The following FER1L5 variants were observed in gnomAD, a reference collection of about 807,000 sequenced individuals.
FER1L5 encodes fer-1 like family member 5, also known as fer-1-like protein 5.
A neutral mutation model predicts 279.9 loss-of-function variants in FER1L5; 187 were observed. The ratio of observed to expected loss-of-function variants is 0.67; its 90% confidence interval spans 0.59 to 0.75. The LOEUF (loss-of-function observed/expected upper bound fraction) is 0.75, where lower values mean the gene tolerates loss of function less well. Ranked by LOEUF, FER1L5 falls within the 30% of genes least tolerant of loss-of-function variation. The pLI, the probability that FER1L5 is intolerant of heterozygous loss-of-function variation, is 0.00. For synonymous variants in FER1L5, 921 were observed against 989.7 expected (o/e 0.93, Z 1.30); for missense variants, 2,091 against 2,594.4 (o/e 0.81, Z 4.21).
intron 14 of FER1L5, among the ~76,000 whole-genome samples, chr2:96,667,296 C>A (rs1370473455): frequency 1.3e-5 from 2 of 151,822 alleles, no homozygotes; most frequent in South Asian, 2.1e-4. Context: ...TTGTTTAGCA[C>A]AAGCCAGGGG....
intron 6 of FER1L5, 52 bp downstream of exon 6, chr2:96,650,341 T>C (rs2075310242): frequency 6.8e-7 from 1 of 1,467,248 alleles, no homozygotes; most frequent in Non-Finnish European, 9.3e-7. Context: ...CACTCTTGTT[T>C]GCTGTGTTCC....
At chr2:96,654,912 A>AAG (rs2075538802) in intron 9 of FER1L5, 1 of 152,210 alleles carries the variant, frequency 6.6e-6, no homozygotes, top group East Asian at 1.9e-4. Flanking sequence ...AAAAAAAAAA[A>AAG]AAAAAAGAAG....
At chr2:96,676,629 T>G (rs1268467097) in intron 19 of FER1L5, among the ~76,000 whole-genome samples, 1 of 151,804 alleles carries the variant, frequency 6.6e-6, no homozygotes, top group Non-Finnish European at 1.5e-5. Flanking sequence ...CAGGTATTTT[T>G]TGTTTTTTTT....
In FER1L5 at chr2:96,699,546, C is replaced by T. The variant is rs376355938; in HGVS notation, c.4611-4C>T. 124 of 1,612,912 alleles carry T rather than the reference C, an allele frequency of 7.7e-5. 1 individual carries two copies. The African/African-American group carries it at 1.4e-3, about 18-fold the overall frequency. ...CTCTGCAGTCTCCAACACCTCACCC[C>T]TAGGATGTTTGAACTCACCTGCAAC... On this transcript the variant is annotated splice_polypyrimidine_tract_variant and splice_region_variant and intron_variant, in intron 42 of 52. Coordinates refer to ENST00000624922, the MANE Select transcript of FER1L5 (RefSeq NM_001293083.2).
At chr2:96,668,646 A>T in intron 14 of FER1L5, 105 bp from the exon 15 acceptor site, 1 of 1,341,462 alleles carries the variant, frequency 7.5e-7, no homozygotes, top group Non-Finnish European at 1.0e-6. Context: ...TAACTGAGCC[A>T]GGACTTGCTC....
Position 96,670,222 on chromosome 2 carries a change from T to C in FER1L5, c.1466T>C (p.Leu489Pro). 1 of 1,551,514 alleles carries C rather than the reference T, an allele frequency of 6.4e-7. No individual in the cohort carries two copies. Among genetic ancestry groups the C allele is most frequent in the Non-Finnish European group, 8.7e-7 (1 of 1,146,926 alleles). The change falls in exon 18 of 53, where the codon CTC (leucine) becomes CCC (proline). Residue 489 changes from leucine to proline, a missense_variant. Physicochemically the swap from Leu to Pro is moderately conservative, Grantham distance 98. Transcript: ENST00000624922. ...TATCAAGACTCCACGATAAAGGATCTCTCCCATGAAGTGACCAGGATAGAG... is the reference window on the plus strand; with the variant it reads ...TATCAAGACTCCACGATAAAGGATCCCTCCCATGAAGTGACCAGGATAGAG... ...KSYQDSTIKD[L>P]SHEVTRIEKH...
Position 96,693,501 on chromosome 2 carries a change from T to C in FER1L5, c.3293-5T>C, listed in dbSNP as rs1241808837. On this transcript the variant is annotated splice_polypyrimidine_tract_variant and splice_region_variant and intron_variant, in intron 31 of 52. Coordinates refer to ENST00000624922, the MANE Select transcript of FER1L5 (RefSeq NM_001293083.2). Reference sequence around the variant, plus strand: ...ACACTGCTACCTTCTCCTCTACCCCTCCAGGGCCCTTCATTCGGGTGGTCT... The same window carrying C: ...ACACTGCTACCTTCTCCTCTACCCCCCCAGGGCCCTTCATTCGGGTGGTCT... 6.4e-7 allele frequency: 1 copy of C among 1,550,852 alleles called. No individual in the cohort carries two copies. The highest frequency in any genetic ancestry group is 2.4e-5 in the East Asian group (1 of 40,924).
In FER1L5 at chr2:96,689,509, C is replaced by G; in HGVS notation, c.2525+133C>G. 1 of 1,448,154 alleles carries G rather than the reference C, an allele frequency of 6.9e-7. No homozygotes were observed. Among genetic ancestry groups the G allele is most frequent in the Non-Finnish European group, 9.4e-7 (1 of 1,061,222 alleles). The allele number at this position is 1,448,154 out of a possible 1,614,324, so 89.7% of individuals were successfully genotyped here. ...GGGCCGAGGTGCACCAGGCCAAGGG[C>G]CCTGCCCACCACCCTGTCCTGCCCA... On this transcript the variant is annotated intron_variant, in intron 25 of 52. Transcript: ENST00000624922. The surrounding 1 kb of genome is among the most constrained non-coding windows in gnomAD (Gnocchi z 4.6).
rs1052269770 is a variant in FER1L5, at chr2:96,700,147, T to C, written c.4930+67T>C. 4 of 1,595,730 alleles carry C rather than the reference T, an allele frequency of 2.5e-6. No individual in the cohort carries two copies. The African/African-American group carries it at 5.4e-5, about 22-fold the overall frequency. ...CTCTGGAAGCTGTGAGGCTCCAGAA[T>C]GGAAGAGCTGCAGACTTGGGGGAGA... On this transcript the variant is annotated intron_variant, in intron 44 of 52. Coordinates refer to ENST00000624922, the MANE Select transcript of FER1L5 (RefSeq NM_001293083.2).
At chr2:96,660,549 T>C (rs4907246) in intron 10 of FER1L5, among the ~76,000 whole-genome samples, 178 bp downstream of exon 10, 37,913 of 152,174 alleles carry the variant, frequency 0.25, 6,143 homozygotes, top group South Asian at 0.66. Context: ...TTTTACCTTA[T>C]TTTTTAATTT....
rs1338467740 is a variant in FER1L5, at chr2:96,685,315, C to G, written c.1795-14C>G. Reference sequence around the variant, plus strand: ...TGAGGCGGGCTCTCTCACCATTTCTCTCCTGCTGGGCAGAAAGCCAACCTG... The same window carrying G: ...TGAGGCGGGCTCTCTCACCATTTCTGTCCTGCTGGGCAGAAAGCCAACCTG... On this transcript the variant is annotated splice_polypyrimidine_tract_variant and intron_variant, in intron 20 of 52. Coordinates refer to ENST00000624922, the MANE Select transcript of FER1L5 (RefSeq NM_001293083.2). 3 of 1,550,772 alleles carry G rather than the reference C, an allele frequency of 1.9e-6. No homozygotes were observed. The highest frequency in any genetic ancestry group is 2.6e-6 in the Non-Finnish European group (3 of 1,146,488).
Position 96,693,677 on chromosome 2 carries a change from G to A in FER1L5, c.3464G>A (p.Arg1155His), listed in dbSNP as rs775780731. 29 of 1,551,268 alleles carry A rather than the reference G, an allele frequency of 1.9e-5. No homozygotes were observed. Among genetic ancestry groups the A allele is most frequent in the Non-Finnish European group, 2.4e-5 (27 of 1,146,798 alleles). The change falls in exon 32 of 53, where the codon CGT becomes CAT. Residue 1155 changes from arginine (R) to histidine (H), a missense_variant. Arg to His is a conservative substitution (Grantham distance 29). Transcript: ENST00000624922. Reference protein sequence around the residue: ...PPLVVLELWQRDFWGKESLWG... With the variant: ...PPLVVLELWQHDFWGKESLWG... The stretch of plus-strand genomic sequence containing the variant: ...CTTGTGGTGCTGGAGCTGTGGCAGC[G>A]TGACTTCTGGGTAAGTTGGGCTGGG...
chr2:96,702,093 C>G lies in FER1L5; in HGVS notation c.5159+50C>G, dbSNP rs752862453. ...TGCTGCATTTCACAGTTCAGAACTC[C>G]CCCAGTGCAGGGCACCACTGTCCTC... On this transcript the variant is annotated intron_variant, in intron 46 of 52. Transcript: ENST00000624922. This position sits in a 1 kb window ranked among gnomAD's most constrained non-coding sequence, Gnocchi z 4.0. The G allele has an allele frequency of 2.8e-5, 45 of 1,601,608 alleles. No homozygotes were observed. Among genetic ancestry groups the G allele is most frequent in the Non-Finnish European group, 3.8e-5 (45 of 1,169,870 alleles).
chr2:96,648,438 G>A (rs747757), intron 4 of FER1L5, among the ~76,000 whole-genome samples: 10,758 of 152,316 alleles, frequency 0.071, 764 homozygotes, highest in African/African-American at 0.18. Flanking sequence ...ACAGTGGAAA[G>A]AAGGGAAGGC....
rs541285795 is a variant in FER1L5, at chr2:96,656,575, A to C, written c.747+2079A>C. On this transcript the variant is annotated intron_variant, in intron 9 of 52. Transcript: ENST00000624922. Reference sequence around the variant, plus strand: ...AACCCAGATGGTAGAGGTTGCAGTGAGCCAAGATTTTGCCACTGCACTCCA... The same window carrying C: ...AACCCAGATGGTAGAGGTTGCAGTGCGCCAAGATTTTGCCACTGCACTCCA... Among the ~76,000 whole-genome samples, 31 of 152,362 alleles carry C rather than the reference A, an allele frequency of 2.0e-4. No individual in the cohort carries two copies. The South Asian group carries it at 5.8e-3, about 29-fold the overall frequency.
At chr2:96,652,086 G>A (rs748639579) in intron 7 of FER1L5, 66 bp downstream of exon 7, 20 of 1,546,930 alleles carry the variant, frequency 1.3e-5, no homozygotes, top group African/African-American at 4.1e-5. Context: ...GTGGGCAGCC[G>A]GCAAGCTTGC....
In FER1L5 at chr2:96,690,468, CCT is replaced by C. The variant is rs1400496386; in HGVS notation, c.2641-14_2641-13del. ...CCCAGCTCATGTGCCCCTCGCTCGCCCTCTCTGTCCACCTGCAGAATGGACAG... is the reference window on the plus strand; with the variant it reads ...CCCAGCTCATGTGCCCCTCGCTCGCCCTCTGTCCACCTGCAGAATGGACAG... On this transcript the variant is annotated splice_polypyrimidine_tract_variant and intron_variant, in intron 26 of 52. Transcript: ENST00000624922. 1.3e-6 allele frequency: 2 copies of C among 1,550,410 alleles called. No individual in the cohort carries two copies. The highest frequency in any genetic ancestry group is 2.4e-5 in the South Asian group (2 of 84,036).
chr2:96,660,958 T>C (rs531810764), intron 10 of FER1L5, among the ~76,000 whole-genome samples: 2 of 152,368 alleles, frequency 1.3e-5, no homozygotes, highest in African/African-American at 4.8e-5. Flanking sequence ...TTCTATTTTT[T>C]GAGGCCAGTA....
Position 96,684,370 on chromosome 2 carries a change from C to T in FER1L5, c.1713C>T (p.Val571=), listed in dbSNP as rs568474485. 18 of 1,551,672 alleles carry T rather than the reference C, an allele frequency of 1.2e-5. No individual in the cohort carries two copies. The highest frequency in any genetic ancestry group is 1.4e-5 in the African/African-American group (1 of 73,170). The change falls in exon 20 of 53, where the codon GTC becomes GTT. Residue 571 remains valine (V), a synonymous_variant. Transcript: ENST00000624922. ...HYVPWYNTKP[V]VAVTSNWEDV... is the part of the protein sequence containing the mutation. ...TGCCCTGGTACAACACCAAGCCTGT[C>T]GTGGCCGTGACCTCCAACTGGGAGG...
Sources: gnomAD v4.1 joint callset for allele counts (sites outside exome capture counted in the v4.1 genomes callset) on GRCh38, gnomAD v4.1.1 for gene constraint, Gnocchi (gnomAD v3.1) non-coding constraint, MANE v1.5 for transcripts, NCBI Gene and HGNC (gene_info 2026-07-23, HGNC 2026-07-21) for gene names.